The following DNAH6 variants were observed in gnomAD, a reference collection of about 807,000 sequenced individuals.
The protein encoded by DNAH6 is axonemal beta dynein heavy chain 6.
DNAH6 carries 340 observed loss-of-function variants against 491.4 expected under a neutral mutation model. The observed-to-expected ratio is 0.69, with a 90% CI of 0.63 to 0.76. The LOEUF (loss-of-function observed/expected upper bound fraction) is 0.76. Ranked by LOEUF, DNAH6 falls within the 30% of genes least tolerant of loss-of-function variation. DNAH6 has a pLI of 0.00. For missense variants in DNAH6, 4,443 were observed against 4,972.2 expected, an observed-to-expected ratio of 0.89 and a Z score of 3.20; for synonymous variants, 1,603 against 1,686.1, an observed-to-expected ratio of 0.95 and a Z score of 1.21.
rs1695869379 is a variant in DNAH6, at chr2:84,701,232, T to C, written c.7954T>C (p.Tyr2652His). ...HLSVSSMAER[Y>H]YNELRRRYYT... Reference sequence around the variant, plus strand: ...GAGTGTCTCCAGCATGGCAGAGCGCTATTACAATGAGCTGCGCAGGCGGTA... The same window carrying C: ...GAGTGTCTCCAGCATGGCAGAGCGCCATTACAATGAGCTGCGCAGGCGGTA... The change falls in exon 49 of 77, where the codon TAT becomes CAT. Residue 2652 changes from tyrosine to histidine, a missense_variant. Tyr to His is a moderately conservative substitution (Grantham distance 83). This residue lies in a region of DNAH6 where 2,977 missense variants were observed against 3,296.6 expected (regional missense o/e 0.90). Coordinates refer to ENST00000389394, the MANE Select transcript of DNAH6 (RefSeq NM_001370.2). 6.4e-7 allele frequency: 1 copy of C among 1,551,744 alleles called. No individual in the cohort carries two copies. The highest frequency in any genetic ancestry group is 1.2e-5 in the South Asian group (1 of 84,070).
At chr2:84,677,282 C>A in intron 41 of DNAH6, 146 bp downstream of exon 41, 1 of 1,027,042 alleles carries the variant, frequency 9.7e-7, no homozygotes, top group Non-Finnish European at 1.4e-6. Flanking sequence ...ATATGGACTC[C>A]TGGAGAGTAG....
chr2:84,686,595 T>C (rs1694281829), intron 44 of DNAH6, 38 bp downstream of exon 44: 1 of 1,148,768 alleles, frequency 8.7e-7, no homozygotes. Flanking sequence ...ATTTGAAAAT[T>C]GTAAAGCATT....
the DNAH6 span, among the ~76,000 whole-genome samples, chr2:84,465,689 A>G: frequency 6.6e-3 from 999 of 152,280 alleles, 8 homozygotes; most frequent in African/African-American, 0.022. Flanking sequence ...GATGATTCCA[A>G]TATGTGCCCA....
chr2:84,819,183 C>T (rs1182837274), intron 76 of DNAH6, 122 bp from the exon 77 acceptor site: 18 of 611,424 alleles, frequency 2.9e-5, no homozygotes, highest in Middle Eastern at 4.0e-4. Context: ...ACTATTTGTC[C>T]AGCATCTTTA....
Position 84,701,347 on chromosome 2 carries a change from C to T in DNAH6, c.8061+8C>T, listed in dbSNP as rs745462609. 4 of 1,537,580 alleles carry T rather than the reference C, an allele frequency of 2.6e-6. No individual in the cohort carries two copies. The highest frequency in any genetic ancestry group is 4.9e-5 in the East Asian group (2 of 40,544). ...AGGAAGCAGATTATTTCAGTAGGTT[C>T]AATATTATCCATGAAAATATTGTTT... On this transcript the variant is annotated splice_region_variant and intron_variant, in intron 49 of 76. Transcript: ENST00000389394.
At chr2:84,745,418 C>A (rs1672872476) in intron 63 of DNAH6, among the ~76,000 whole-genome samples, 169 bp downstream of exon 63, 1 of 152,220 alleles carries the variant, frequency 6.6e-6, no homozygotes, top group South Asian at 2.1e-4. Context: ...GTAATCCCAG[C>A]ACTTTGGGAG....
intron 60 of DNAH6, among the ~76,000 whole-genome samples, chr2:84,723,408 C>T (rs1698350321): frequency 6.6e-6 from 1 of 152,052 alleles, no homozygotes; most frequent in Non-Finnish European, 1.5e-5. Flanking sequence ...AAGAAAGCTC[C>T]TTTGCAAGTT....
chr2:84,548,634 G>GA (rs1051735287), intron 8 of DNAH6, among the ~76,000 whole-genome samples: 129 of 148,988 alleles, frequency 8.7e-4, no homozygotes, highest in African/African-American at 3.0e-3. Flanking sequence ...TGTCTCACTT[G>GA]AAAAAAAAAA....
the DNAH6 span, among the ~76,000 whole-genome samples, chr2:84,508,115 T>G: frequency 7.9e-5 from 12 of 152,354 alleles, no homozygotes; most frequent in Middle Eastern, 3.4e-3. Flanking sequence ...TCTTTTTCTA[T>G]TGATTGGAGT....
chr2:84,692,140 A>G (rs1163910299), intron 45 of DNAH6, among the ~76,000 whole-genome samples: 1 of 152,180 alleles, frequency 6.6e-6, no homozygotes, highest in Non-Finnish European at 1.5e-5. Context: ...ACCAAAGATG[A>G]TGTATATAGT....
chr2:84,625,300 A>G (rs575908526), intron 29 of DNAH6, among the ~76,000 whole-genome samples: 2 of 152,326 alleles, frequency 1.3e-5, no homozygotes, highest in South Asian at 4.1e-4. Flanking sequence ...GGTGAAAAAA[A>G]TAAAAATCTG....
rs1363235558 is a variant in DNAH6 at position 84,729,513 on chromosome 2, T to A, written c.10206+1611T>A. 1.8e-4 allele frequency among the ~76,000 whole-genome samples: 28 copies of A among 152,182 alleles called. 1 individual carries two copies. Among genetic ancestry groups the A allele is most frequent in the Non-Finnish European group, 2.9e-5 (2 of 68,034 alleles). On this transcript the variant is annotated intron_variant, in intron 61 of 76. Coordinates refer to ENST00000389394, the MANE Select transcript of DNAH6 (RefSeq NM_001370.2). ...TTTCTCAACAGAAACTCAAAGAGGT[T>A]AAAGAGCTTTCCAAAATCACAATAA...
At chr2:84,694,698 G>A (rs1695211570) in intron 46 of DNAH6, among the ~76,000 whole-genome samples, 1 of 152,112 alleles carries the variant, frequency 6.6e-6, no homozygotes, top group South Asian at 2.1e-4. Flanking sequence ...TTGATCAAAG[G>A]TCGAGGAGGT....
chr2:84,534,084 A>G (rs1355692066), intron 4 of DNAH6, among the ~76,000 whole-genome samples: 1 of 151,962 alleles, frequency 6.6e-6, no homozygotes, highest in Non-Finnish European at 1.5e-5. Flanking sequence ...AAAATTTGCA[A>G]TGAGACCTTC....
rs752146338 is a variant in DNAH6 at position 84,573,585 on chromosome 2, C to G, written c.1922C>G (p.Pro641Arg). ...TTACAAGCTCTTAAACTTCAGGAAC[C>G]TGGTAACTTGTCCATTTGTACTTAC... ...LDLQALKLQE[P>R]DINFFSEQLE... is the part of the protein sequence containing the mutation. Residue 641 changes from proline to arginine, a missense_variant and splice_region_variant, in exon 12 of 77, where the codon CCT (proline) becomes CGT (arginine). Transcript: ENST00000389394. 1 of 1,562,894 alleles carries G rather than the reference C, an allele frequency of 6.4e-7. No homozygotes were observed. The highest frequency in any genetic ancestry group is 1.2e-5 in the South Asian group (1 of 81,818).
intron 11 of DNAH6, among the ~76,000 whole-genome samples, chr2:84,563,567 T>C (rs532241197): frequency 6.6e-6 from 1 of 152,248 alleles, no homozygotes; most frequent in Admixed American, 6.5e-5. Flanking sequence ...TTTTTGCTTG[T>C]TGATTTAAGT....
intron 12 of DNAH6, among the ~76,000 whole-genome samples, chr2:84,576,361 A>G (rs1185472614): frequency 6.6e-6 from 1 of 152,076 alleles, no homozygotes; most frequent in Non-Finnish European, 1.5e-5. Flanking sequence ...TGTGTTCTTT[A>G]TACTATATCA....
chr2:84,612,065 T>C (rs1233047648), intron 22 of DNAH6, among the ~76,000 whole-genome samples: 1 of 152,106 alleles, frequency 6.6e-6, no homozygotes, highest in Non-Finnish European at 1.5e-5. Context: ...TTATTATTAT[T>C]ATCTCTCAGC....
At chr2:84,592,363 A>C (rs954895061) in intron 16 of DNAH6, among the ~76,000 whole-genome samples, 2 of 152,202 alleles carry the variant, frequency 1.3e-5, no homozygotes, top group Non-Finnish European at 2.9e-5. Context: ...ATCAATAATC[A>C]TCAGGAAAAT....
Sources: gnomAD v4.1 joint callset for allele counts (sites outside exome capture counted in the v4.1 genomes callset) on GRCh38, gnomAD v4.1.1 for gene constraint, gnomAD v4.1.1 regional missense constraint, MANE v1.5 for transcripts, NCBI Gene and HGNC (gene_info 2026-07-23, HGNC 2026-07-21) for gene names.